The following NRXN1 variants were observed in gnomAD, a reference collection of about 807,000 sequenced individuals.
The protein encoded by NRXN1 is neurexin 1.
NRXN1 carries 39 observed loss-of-function variants against 150.9 expected under a neutral mutation model. The ratio of observed to expected loss-of-function variants is 0.26; its 90% CI spans 0.20 to 0.34. The LOEUF is 0.34. Among genes scored for constraint, NRXN1 ranks in the 10% least tolerant of loss-of-function variants. The probability of loss-of-function intolerance (pLI) is 1.00; values close to 1 mark genes in which losing one functional copy is unlikely to be tolerated. For synonymous variants in NRXN1, 924 were observed against 757.0 expected, an observed-to-expected ratio of 1.22 and a Z score of -3.62; for missense variants, 1,815 against 1,949.9, an observed-to-expected ratio of 0.93 and a Z score of 1.30.
At chr2:50,276,683 G>C (rs909361293) in intron 17 of NRXN1, among the ~76,000 whole-genome samples, 6 of 152,090 alleles carry the variant, frequency 3.9e-5, no homozygotes, top group Non-Finnish European at 8.8e-5. Flanking sequence ...TGCTTCCCTA[G>C]CGAAAACTTG....
chr2:50,336,248 C>T (rs377747199), intron 17 of NRXN1, among the ~76,000 whole-genome samples: 1 of 152,114 alleles, frequency 6.6e-6, no homozygotes, highest in African/African-American at 2.4e-5. Flanking sequence ...TCTTTAAGAA[C>T]AATGTAGTTA....
intron 5 of NRXN1, among the ~76,000 whole-genome samples, chr2:50,783,760 G>A (rs1414157681): frequency 6.6e-6 from 1 of 152,010 alleles, no homozygotes; most frequent in African/African-American, 2.4e-5. Context: ...TTCCAAGTGT[G>A]GGAATAACTC....
chr2:50,639,585 G>A (rs1683769516), intron 5 of NRXN1, among the ~76,000 whole-genome samples: 1 of 151,664 alleles, frequency 6.6e-6, no homozygotes, highest in Non-Finnish European at 1.5e-5. Context: ...GTTTCAGGAT[G>A]GAAATATTCA....
chr2:50,765,647 T>C (rs972258835), intron 5 of NRXN1, among the ~76,000 whole-genome samples: 13 of 152,056 alleles, frequency 8.5e-5, no homozygotes, highest in South Asian at 2.1e-4. Context: ...TGCCGCAACA[T>C]AGTCAATTTG....
At chr2:50,596,656 G>A (rs148117898) in intron 8 of NRXN1, among the ~76,000 whole-genome samples, 4 of 152,174 alleles carry the variant, frequency 2.6e-5, no homozygotes, top group East Asian at 1.9e-4. Flanking sequence ...TCAAAACTAC[G>A]AAAAGCTTTG....
chr2:50,384,505 C>CAAAAAAAAAAAAAA (rs56052881), intron 17 of NRXN1, among the ~76,000 whole-genome samples: 1 of 55,972 alleles, frequency 1.8e-5, no homozygotes, highest in Non-Finnish European at 3.5e-5. Context: ...GACTCCATCT[C>CAAAAAAAAAAAAAA]AAAAAAAAAA....
At chr2:49,993,529 A>G (rs1471363312) in intron 21 of NRXN1, among the ~76,000 whole-genome samples, 1 of 152,214 alleles carries the variant, frequency 6.6e-6, no homozygotes, top group African/African-American at 2.4e-5. Context: ...TACGACATTC[A>G]TGTAACCTCT....
At chr2:49,952,152 A>G (rs1011338847) in intron 21 of NRXN1, among the ~76,000 whole-genome samples, 5 of 152,130 alleles carry the variant, frequency 3.3e-5, no homozygotes, top group Non-Finnish European at 5.9e-5. Flanking sequence ...ATGTTTTTCT[A>G]TTATCCCAGA....
intron 5 of NRXN1, among the ~76,000 whole-genome samples, chr2:50,686,148 A>G (rs193097059): frequency 1.6e-3 from 238 of 152,286 alleles, no homozygotes; most frequent in African/African-American, 5.4e-3. Flanking sequence ...AAACAAACAA[A>G]GAAACAAACA....
chr2:50,685,367 T>G (rs1559122007), intron 5 of NRXN1, among the ~76,000 whole-genome samples: 1 of 152,134 alleles, frequency 6.6e-6, no homozygotes, highest in Non-Finnish European at 1.5e-5. Flanking sequence ...GTCACTAGTT[T>G]CCTGATCTGA....
At chr2:50,235,761 C>T (rs1202814121) in intron 18 of NRXN1, among the ~76,000 whole-genome samples, 1 of 151,902 alleles carries the variant, frequency 6.6e-6, no homozygotes, top group Admixed American at 6.6e-5. Context: ...GAACAAACTT[C>T]CATGGTCGCT....
At chr2:50,544,981 A>G (rs2093463397) in intron 9 of NRXN1, among the ~76,000 whole-genome samples, 1 of 152,164 alleles carries the variant, frequency 6.6e-6, no homozygotes, top group Non-Finnish European at 1.5e-5. Context: ...GTAAACTATA[A>G]TCTTGACTAT....
chr2:50,109,618 G>C (rs1008291178), intron 18 of NRXN1, among the ~76,000 whole-genome samples: 3 of 151,332 alleles, frequency 2.0e-5, no homozygotes, highest in African/African-American at 7.3e-5. Flanking sequence ...CAAATGAAAA[G>C]AAAAAGAAAA....
At chr2:50,451,749 C>G (rs982135570) in intron 17 of NRXN1, among the ~76,000 whole-genome samples, 3 of 152,116 alleles carry the variant, frequency 2.0e-5, no homozygotes, top group African/African-American at 4.8e-5. Context: ...AGTTCTAATT[C>G]TTATTAACAT....
intron 18 of NRXN1, chr2:50,207,658 AGCATAGCAGTT>A (rs2062710142): frequency 5.9e-6 from 1 of 168,648 alleles, no homozygotes. Context: ...TGTTCTTTCA[AGCATAGCAGTT>A]GCCTCCACAA....
rs1423168142 is a variant in NRXN1, at chr2:50,329,665, ATATATATATTT to A, written c.3365-92706_3365-92696del. Among the ~76,000 whole-genome samples, 39 of 25,262 alleles carry A rather than the reference ATATATATATTT, an allele frequency of 1.5e-3. 1 individual carries two copies. The highest frequency in any genetic ancestry group is 6.5e-3 in the African/African-American group (31 of 4,736). The allele number at this position is 25,262 out of a possible 152,430, so 16.6% of individuals were successfully genotyped here. On this transcript the variant is annotated intron_variant, in intron 17 of 22. Transcript: ENST00000401669. ...TATATATATATATATATATATATAT[ATATATATATTT>A]TTTTTTTTCCCCCCCGAGACGGAGT...
At chr2:51,003,348 G>A (rs1700302872) in intron 2 of NRXN1, among the ~76,000 whole-genome samples, 1 of 151,926 alleles carries the variant, frequency 6.6e-6, no homozygotes, top group African/African-American at 2.4e-5. Flanking sequence ...ATACAACATT[G>A]AGAGCATTGT....
chr2:50,010,836 G>A (rs1685536052), intron 21 of NRXN1, among the ~76,000 whole-genome samples: 2 of 152,102 alleles, frequency 1.3e-5, no homozygotes, highest in Admixed American at 6.6e-5. Flanking sequence ...CTAACATGTG[G>A]TTTCAAAATC....
chr2:51,002,230 C>A (rs1204366996), intron 2 of NRXN1, among the ~76,000 whole-genome samples: 2 of 151,862 alleles, frequency 1.3e-5, no homozygotes, highest in Non-Finnish European at 1.5e-5. Context: ...CAACCATGAA[C>A]CCAGAATGGG....
Sources: allele counts gnomAD v4.1 joint callset (sites outside exome capture counted in the v4.1 genomes callset), GRCh38; gene constraint gnomAD v4.1.1; transcripts MANE v1.5; gene names NCBI Gene and HGNC (gene_info 2026-07-23, HGNC 2026-07-21).